Variants in MYOM1 observed in about 807,000 individuals in gnomAD.
MYOM1 encodes the protein myomesin-1.
In MYOM1, 164 loss-of-function variants were observed where a neutral mutation model predicts 205.3. The observed-to-expected ratio is 0.80, with a 90% CI of 0.70 to 0.91. The LOEUF is 0.91. Among genes scored for constraint, MYOM1 ranks in the 40% least tolerant of loss-of-function variants. MYOM1 has a pLI of 0.00. For synonymous variants in MYOM1, 772 were observed against 789.4 expected, an observed-to-expected ratio of 0.98 and a Z score of 0.37; for missense variants, 2,011 against 2,127.3, an observed-to-expected ratio of 0.95 and a Z score of 1.08.
At chr18:3,225,506 G>A in the MYOM1 span, among the ~76,000 whole-genome samples, 20 of 152,276 alleles carry the variant, frequency 1.3e-4, no homozygotes, top group African/African-American at 4.8e-4. Flanking sequence ...AAGGAGGGGG[G>A]TAGCAAGTGG....
At chr18:3,128,727 G>A (rs2079831498) in intron 18 of MYOM1, among the ~76,000 whole-genome samples, 1 of 151,484 alleles carries the variant, frequency 6.6e-6, no homozygotes, top group South Asian at 2.1e-4. Flanking sequence ...ATTTTCCAGT[G>A]TTGATTTTTC....
At chr18:3,155,968 C>T (rs772990902) in intron 10 of MYOM1, among the ~76,000 whole-genome samples, 2 of 152,202 alleles carry the variant, frequency 1.3e-5, no homozygotes, top group Non-Finnish European at 2.9e-5. Context: ...CTCAGTTTAT[C>T]TGAGTTTAGT....
chr18:3,083,973 G>C lies in MYOM1; in HGVS notation c.4378+16C>G. 1 of 1,587,260 alleles carries C rather than the reference G, an allele frequency of 6.3e-7. No homozygotes were observed. Among genetic ancestry groups the C allele is most frequent in the African/African-American group, 1.3e-5 (1 of 74,738 alleles). ...GGATCATAAAGCATTGTTGTGGTGC[G>C]AAATGTTTGACTCACCTATTTTTTT... On this transcript the variant is annotated intron_variant, in intron 32 of 37. Transcript: ENST00000356443.
At chr18:3,169,466 A>G (rs2080522833) in intron 8 of MYOM1, among the ~76,000 whole-genome samples, 1 of 152,240 alleles carries the variant, frequency 6.6e-6, no homozygotes, top group African/African-American at 2.4e-5. Context: ...ATAGCAAAAA[A>G]TTCAAGTAAT....
chr18:3,113,115 CTA>C (rs2079551627), intron 21 of MYOM1, among the ~76,000 whole-genome samples: 1 of 150,784 alleles, frequency 6.6e-6, no homozygotes, highest in African/African-American at 2.4e-5. Context: ...ACTAGAATTA[CTA>C]AGAGCTGTAA....
chr18:3,119,336 A>G (rs572085450), intron 20 of MYOM1, among the ~76,000 whole-genome samples: 1 of 152,282 alleles, frequency 6.6e-6, no homozygotes, highest in Non-Finnish European at 1.5e-5. Flanking sequence ...AAATCCATCC[A>G]TGTGATATGA....
chr18:3,194,940 A>T (rs1218715970), intron 2 of MYOM1, among the ~76,000 whole-genome samples: 1 of 152,016 alleles, frequency 6.6e-6, no homozygotes, highest in Non-Finnish European at 1.5e-5. Context: ...ATTTTTTAAG[A>T]GCCCCCGTCT....
At chr18:3,197,635 A>G (rs1247786106) in intron 2 of MYOM1, among the ~76,000 whole-genome samples, 2 of 151,990 alleles carry the variant, frequency 1.3e-5, no homozygotes, top group Non-Finnish European at 2.9e-5. Flanking sequence ...GCACGTTGGG[A>G]GGCCAAGGCG....
chr18:3,104,438 A>C (rs1235894238), intron 22 of MYOM1, among the ~76,000 whole-genome samples: 1 of 152,198 alleles, frequency 6.6e-6, no homozygotes, highest in East Asian at 1.9e-4. Flanking sequence ...AATCATCCAT[A>C]TGCTTGTTGT....
At position 3,215,152 on chromosome 18, in the gene MYOM1, G is replaced by A. The variant is rs2081248891; in HGVS notation, c.72C>T (p.Ser24=). The A allele has an allele frequency of 6.2e-7, 1 of 1,613,680 alleles. No individual in the cohort carries two copies. Among genetic ancestry groups the A allele is most frequent in the Non-Finnish European group, 8.5e-7 (1 of 1,179,854 alleles). The change falls in exon 2 of 38, where the codon AGC becomes AGT. Residue 24 remains serine (S), a synonymous_variant. Transcript: ENST00000356443. ...DLSYRNKDVR[S]TVSHYQREKK... is the part of the protein sequence containing the mutation. ...TCTCCCGCTGGTAGTGACTCACGGT[G>A]CTGCGCACGTCCTTGTTGCGGTAGC...
At chr18:3,101,846 G>A (rs568641102) in intron 23 of MYOM1, among the ~76,000 whole-genome samples, 2 of 152,108 alleles carry the variant, frequency 1.3e-5, no homozygotes, top group African/African-American at 4.8e-5. Context: ...TATTTCATAA[G>A]AGTTGTTAGT....
At chr18:3,142,213 ATCAT>A in intron 13 of MYOM1, 150 bp from the exon 14 acceptor site, 55 of 990,342 alleles carry the variant, frequency 5.6e-5, no homozygotes, top group Non-Finnish European at 6.5e-5. Context: ...CCCCCAAAAC[ATCAT>A]TCATTCATTC....
At position 3,151,805 on chromosome 18, in the gene MYOM1, G is replaced by A. The variant is rs757545696; in HGVS notation, c.1732C>T (p.Arg578Cys). 9.3e-6 allele frequency: 15 copies of A among 1,613,738 alleles called. No homozygotes were observed. The African/African-American group carries it at 1.1e-4, about 11-fold the overall frequency. Residue 578 changes from arginine to cysteine, a missense_variant, in exon 12 of 38, where the codon CGT becomes TGT. Physicochemically the swap from Arg to Cys is radical, Grantham distance 180 (BLOSUM62 -3). Coordinates refer to ENST00000356443, the MANE Select transcript of MYOM1 (RefSeq NM_003803.4). ...RFPVTGLIEGRSYIFRVRAVN... is the reference protein window; with the variant it reads ...RFPVTGLIEGCSYIFRVRAVN... ...GCTCGAACTCGGAAGATATAGGAAC[G>A]ACCTTCGATCAATCCAGTGACAGGA...
Position 3,164,951 on chromosome 18 carries a change from C to G in MYOM1, c.1340-512G>C, listed in dbSNP as rs1211941129. ...TACTTTTAGCAACTTCATTTTAAAT[C>G]AATATAATCAAAAGCAACATCAGTA... On this transcript the variant is annotated intron_variant, in intron 9 of 37. Transcript: ENST00000356443. 1.3e-5 allele frequency among the ~76,000 whole-genome samples: 2 copies of G among 151,618 alleles called. 1 individual carries two copies. Among genetic ancestry groups the G allele is most frequent in the Non-Finnish European group, 2.9e-5 (2 of 67,890 alleles).
chr18:3,153,498 G>A (rs542158974), intron 11 of MYOM1, among the ~76,000 whole-genome samples: 1 of 152,264 alleles, frequency 6.6e-6, no homozygotes, highest in East Asian at 1.9e-4. Flanking sequence ...AAGGCCAGAG[G>A]AGAACAAAAT....
intron 34 of MYOM1, among the ~76,000 whole-genome samples, chr18:3,078,439 A>AT (rs1193577470): frequency 3.3e-5 from 5 of 149,846 alleles, no homozygotes; most frequent in Non-Finnish European, 7.4e-5. Context: ...TTTATTTTTT[A>AT]TTTTTTTAGA....
chr18:3,075,292 A>G (rs1312177665), intron 36 of MYOM1, among the ~76,000 whole-genome samples, 162 bp downstream of exon 36: 1 of 152,144 alleles, frequency 6.6e-6, no homozygotes, highest in African/African-American at 2.4e-5. Flanking sequence ...AGATATTCTT[A>G]CTCAAAAGAC....
the MYOM1 span, among the ~76,000 whole-genome samples, chr18:3,240,396 C>T: frequency 1.3e-5 from 2 of 152,116 alleles, no homozygotes; most frequent in Non-Finnish European, 2.9e-5. Context: ...AGGTCTTTCC[C>T]GTGCTGTTCT....
At chr18:3,204,872 T>G (rs2081110188) in intron 2 of MYOM1, among the ~76,000 whole-genome samples, 1 of 151,992 alleles carries the variant, frequency 6.6e-6, no homozygotes, top group Non-Finnish European at 1.5e-5. Context: ...AGCATATAGA[T>G]TAAGGGAACA....
Sources: allele counts gnomAD v4.1 joint callset (sites outside exome capture counted in the v4.1 genomes callset), GRCh38; gene constraint gnomAD v4.1.1; transcripts MANE v1.5; gene names NCBI Gene and HGNC (gene_info 2026-07-23, HGNC 2026-07-21).